Variants in DST observed in about 807,000 individuals in gnomAD.
DST encodes the protein dystonin.
In DST, 253 loss-of-function variants were observed where a neutral mutation model predicts 875.2. The observed-to-expected ratio is 0.29, with a 90% confidence interval of 0.26 to 0.32. The LOEUF (loss-of-function observed/expected upper bound fraction) is 0.32, where lower values mean the gene tolerates loss of function less well. Among genes scored for constraint, DST ranks in the 10% least tolerant of loss-of-function variants. DST has a pLI of 1.00. For missense variants in DST, 8,287 were observed against 9,111.6 expected (o/e 0.91, Z 3.68); for synonymous variants, 3,124 against 3,197.1 (o/e 0.98, Z 0.77).
chr6:56,473,979 T>C lies in DST; in HGVS notation c.21888A>G (p.Arg7296=). ...EHQTFMEEMT[R]KQPDVDKVTK... is the part of the protein sequence containing the mutation. ...TTACTTTATCAACATCAGGCTGTTT[T>C]CTGGTCATTTCCTCCATGAAGGTCT... The change falls in exon 93 of 104, where the codon AGA becomes AGG. Residue 7296 remains arginine (R), a synonymous_variant. Transcript: ENST00000680361. 6.3e-7 allele frequency: 1 copy of C among 1,579,422 alleles called. No individual in the cohort carries two copies. The highest frequency in any genetic ancestry group is 1.2e-5 in the South Asian group (1 of 86,442).
intron 9 of DST, among the ~76,000 whole-genome samples, chr6:56,685,873 T>A (rs760239078): frequency 6.0e-4 from 91 of 152,348 alleles, no homozygotes; most frequent in Non-Finnish European, 1.1e-3. Context: ...CCCTGTGGAA[T>A]GCAGTTTGGA....
intron 4 of DST, among the ~76,000 whole-genome samples, chr6:56,748,392 T>A (rs750614544): frequency 2.6e-5 from 4 of 152,128 alleles, no homozygotes; most frequent in Non-Finnish European, 2.9e-5. Flanking sequence ...AATTTCAGCT[T>A]GGGAAAATGA....
chr6:56,546,953 A>T (rs2097239888), intron 61 of DST, among the ~76,000 whole-genome samples: 1 of 152,210 alleles, frequency 6.6e-6, no homozygotes, highest in Non-Finnish European at 1.5e-5. Flanking sequence ...ACAAAATAAC[A>T]ACTACCAAAA....
At chr6:56,748,608 G>A (rs895355078) in intron 4 of DST, among the ~76,000 whole-genome samples, 2 of 152,118 alleles carry the variant, frequency 1.3e-5, no homozygotes, top group East Asian at 1.9e-4. Flanking sequence ...TGCAATAAAC[G>A]TCAAAATCAC....
chr6:56,731,851 G>T (rs974859247), intron 5 of DST, among the ~76,000 whole-genome samples: 2 of 152,002 alleles, frequency 1.3e-5, no homozygotes, highest in African/African-American at 4.8e-5. Flanking sequence ...TTGCAAGTTT[G>T]GGCTTAGAAA....
chr6:56,688,199 A>G (rs2152854174), intron 9 of DST, among the ~76,000 whole-genome samples: 1 of 152,334 alleles, frequency 6.6e-6, no homozygotes, highest in South Asian at 2.1e-4. Context: ...GTTCATTTTT[A>G]AAGAAAGAGA....
At chr6:56,558,585 T>A (rs577875710) in intron 58 of DST, among the ~76,000 whole-genome samples, 23 of 152,202 alleles carry the variant, frequency 1.5e-4, no homozygotes, top group Admixed American at 7.2e-4. Context: ...GCTATTAATG[T>A]TTCTCAGCTG....
chr6:56,818,779 T>C (rs1591101375), intron 4 of DST, among the ~76,000 whole-genome samples: 1 of 152,314 alleles, frequency 6.6e-6, no homozygotes, highest in South Asian at 2.1e-4. Flanking sequence ...CAAAGTACTC[T>C]GATATGTAAA....
At chr6:56,545,973 A>G (rs1010592754) in intron 61 of DST, among the ~76,000 whole-genome samples, 2 of 152,178 alleles carry the variant, frequency 1.3e-5, no homozygotes, top group South Asian at 2.1e-4. Flanking sequence ...TTTTCAAACT[A>G]TTAAATTTAT....
chr6:56,654,339 G>A (rs915089456), intron 10 of DST, among the ~76,000 whole-genome samples: 7 of 151,570 alleles, frequency 4.6e-5, no homozygotes, highest in African/African-American at 1.7e-4. Flanking sequence ...AGCTTACAAA[G>A]AAAATACAAG....
At chr6:56,619,611 A>G in intron 36 of DST, 1 of 1,613,848 alleles carries the variant, frequency 6.2e-7, no homozygotes, top group South Asian at 1.1e-5. Context: ...TGATTAAGAG[A>G]TTCTAATTCT....
chr6:56,628,095 A>G lies in DST; in HGVS notation c.4542T>C (p.Asp1514=), dbSNP rs1318753121. ...KYYRDTYHPL[D]DWIQQVETTQ... Reference sequence around the variant, plus strand: ...TAGTTTCAACCTGCTGGATCCAATCATCTAAAGGATGGTAAGTGTCTCTGT... The same window carrying G: ...TAGTTTCAACCTGCTGGATCCAATCGTCTAAAGGATGGTAAGTGTCTCTGT... The change falls in exon 33 of 104, where the codon GAT becomes GAC. Residue 1514 remains aspartate (D), a synonymous_variant. Transcript: ENST00000680361. The G allele has an allele frequency of 6.2e-7, 1 of 1,613,794 alleles. No individual in the cohort carries two copies. The highest frequency in any genetic ancestry group is 1.7e-5 in the Admixed American group (1 of 60,012).
intron 4 of DST, among the ~76,000 whole-genome samples, chr6:56,778,483 G>T (rs1363336788): frequency 1.3e-5 from 2 of 150,202 alleles, no homozygotes. Context: ...GCTGCACCCA[G>T]TAACTCATCA....
At chr6:56,912,260 C>T (rs1799090922) in intron 2 of DST, among the ~76,000 whole-genome samples, 2 of 152,210 alleles carry the variant, frequency 1.3e-5, no homozygotes. Context: ...GCGCAGCACA[C>T]TGCTAAGACA....
chr6:56,789,064 T>C (rs1431124038), intron 4 of DST, among the ~76,000 whole-genome samples: 27 of 152,182 alleles, frequency 1.8e-4, no homozygotes, highest in Admixed American at 1.8e-3. Context: ...CATTAATATA[T>C]AGTGGTACAG....
intron 5 of DST, among the ~76,000 whole-genome samples, chr6:56,718,301 A>G (rs1016410359): frequency 6.6e-6 from 1 of 152,240 alleles, no homozygotes; most frequent in Non-Finnish European, 1.5e-5. Flanking sequence ...GCCAATAAGC[A>G]CATGAAAAGA....
chr6:56,719,262 T>C (rs2099405964), intron 5 of DST, among the ~76,000 whole-genome samples: 1 of 152,184 alleles, frequency 6.6e-6, no homozygotes, highest in Admixed American at 6.5e-5. Context: ...GATGTGTAAT[T>C]TGTATTTATT....
chr6:56,482,630 G>T, intron 89 of DST, 53 bp downstream of exon 89: 1 of 1,552,214 alleles, frequency 6.4e-7, no homozygotes, highest in Non-Finnish European at 8.8e-7. Context: ...AGTTCTTGTT[G>T]AGGTTTCAAT....
intron 4 of DST, among the ~76,000 whole-genome samples, chr6:56,785,506 C>A (rs796979995): frequency 1.2e-4 from 18 of 152,028 alleles, no homozygotes; most frequent in African/African-American, 4.1e-4. Context: ...GGCGTAGGAC[C>A]CTCCAAGCCA....
Sources: allele counts gnomAD v4.1 joint callset (sites outside exome capture counted in the v4.1 genomes callset), GRCh38; gene constraint gnomAD v4.1.1; transcripts MANE v1.5; gene names NCBI Gene and HGNC (gene_info 2026-07-23, HGNC 2026-07-21).